The following DMD variants were observed in gnomAD, a reference collection of about 807,000 sequenced individuals.
The protein encoded by DMD is dystrophin.
In DMD, 63 loss-of-function variants were observed where a neutral mutation model predicts 330.1. The ratio of observed to expected loss-of-function variants is 0.19; its 90% CI spans 0.16 to 0.24. DMD has a LOEUF of 0.24. DMD is among the 10% of genes least tolerant of loss of function. The pLI is 1.00. For missense variants in DMD, 3,344 were observed against 2,684.1 expected, an observed-to-expected ratio of 1.25 and a Z score of -5.43; for synonymous variants, 1,223 against 959.8, an observed-to-expected ratio of 1.27 and a Z score of -5.07.
At chrX:31,821,068 G>T in intron 49 of DMD, among the ~76,000 whole-genome samples, 1 of 112,711 alleles carries the variant, frequency 8.9e-6, no homozygotes, top group Non-Finnish European at 1.9e-5. Flanking sequence ...TCAGTTTGGG[G>T]CTGAGGCTTT....
At chrX:32,633,264 T>G (rs905865558) in intron 11 of DMD, among the ~76,000 whole-genome samples, 8 of 111,764 alleles carry the variant, frequency 7.2e-5, no homozygotes, top group Admixed American at 6.7e-4. Flanking sequence ...ATCATCACTC[T>G]CAAGTTCAAA....
intron 9 of DMD, among the ~76,000 whole-genome samples, chrX:32,684,556 G>A (rs2062707890): frequency 9.0e-6 from 1 of 111,346 alleles, no homozygotes; most frequent in Admixed American, 9.6e-5. Context: ...CAGAAGGACA[G>A]CATCAATTTA....
At chrX:31,789,302 AG>A (rs2091459371) in intron 50 of DMD, among the ~76,000 whole-genome samples, 1 of 110,968 alleles carries the variant, frequency 9.0e-6, no homozygotes, top group Admixed American at 9.7e-5. Context: ...ATCTTACGTA[AG>A]GGTTTTTTAA....
intron 9 of DMD, among the ~76,000 whole-genome samples, chrX:32,653,498 T>C (rs2060322258): frequency 8.9e-6 from 1 of 111,752 alleles, no homozygotes; most frequent in Non-Finnish European, 1.9e-5. Flanking sequence ...GAGGGCTTTG[T>C]TCTGTTCCAT....
intron 44 of DMD, among the ~76,000 whole-genome samples, chrX:32,021,882 A>G (rs1409508570): frequency 1.8e-5 from 2 of 111,801 alleles, no homozygotes; most frequent in African/African-American, 6.5e-5. Context: ...ACTCCCTGTA[A>G]ACGTTTATAT....
chrX:32,221,705 C>A (rs758251019), intron 43 of DMD, among the ~76,000 whole-genome samples: 16 of 111,314 alleles, frequency 1.4e-4, no homozygotes, highest in Non-Finnish European at 2.4e-4. Flanking sequence ...CCCTCACTAC[C>A]TTCCCACTCT....
rs1322285225 is a variant in DMD, at chrX:32,346,036, T to C, written c.5493A>G (p.Gly1831=). Reference sequence around the variant, plus strand: ...CTGTGATTCTTTGTTGTAAGTTGTCTCCTCTTTGCAACAATTCTTTTACAG... The same window carrying C: ...CTGTGATTCTTTGTTGTAAGTTGTCCCCTCTTTGCAACAATTCTTTTACAG... ...EGTVKELLQR[G]DNLQQRITDE... The change falls in exon 39 of 79, where the codon GGA becomes GGG. Residue 1831 remains glycine (G), a synonymous_variant. Transcript: ENST00000357033. The C allele has an allele frequency of 9.1e-6, 11 of 1,209,483 alleles. No homozygotes were observed. The highest frequency in any genetic ancestry group is 1.1e-5 in the Non-Finnish European group (10 of 893,843).
At chrX:32,132,424 G>A (rs1192524471) in intron 44 of DMD, among the ~76,000 whole-genome samples, 10 of 111,516 alleles carry the variant, frequency 9.0e-5, no homozygotes, top group African/African-American at 3.3e-4. Flanking sequence ...TTTCTTATTT[G>A]GTGAAATGAG....
At chrX:32,496,477 A>G (rs1429822439) in intron 19 of DMD, among the ~76,000 whole-genome samples, 1 of 112,195 alleles carries the variant, frequency 8.9e-6, no homozygotes, top group African/African-American at 3.2e-5. Context: ...AGTATATATA[A>G]AAGTAATACC....
chrX:32,608,044 A>G (rs1602111893), intron 12 of DMD, among the ~76,000 whole-genome samples: 1 of 110,006 alleles, frequency 9.1e-6, no homozygotes, highest in East Asian at 2.8e-4. Flanking sequence ...ATCAGGTATA[A>G]TTTTCGTAGC....
intron 4 of DMD, among the ~76,000 whole-genome samples, chrX:32,824,052 A>G (rs2078497667): frequency 8.9e-6 from 1 of 112,120 alleles, no homozygotes; most frequent in Non-Finnish European, 1.9e-5. Flanking sequence ...TGTAACCACA[A>G]TAATGTATCA....
Position 32,469,769 on chromosome X carries a change from T to C in DMD, c.2950-1059A>G, listed in dbSNP as rs190926179. Among the ~76,000 whole-genome samples, 29 of 110,986 alleles carry C rather than the reference T, an allele frequency of 2.6e-4. No homozygotes were observed. The East Asian group carries it at 7.9e-3, about 30-fold the overall frequency. On this transcript the variant is annotated intron_variant, in intron 22 of 78. Transcript: ENST00000357033. Reference sequence around the variant, plus strand: ...GGCTTTTCTAGTTCAACAATTTCCATTATTAGTTCTACACATTCATTTCTA... The same window carrying C: ...GGCTTTTCTAGTTCAACAATTTCCACTATTAGTTCTACACATTCATTTCTA...
rs1328076008 is a variant in DMD at position 31,355,089 on chromosome X, AAAAG to A, written c.9085-6459_9085-6456del. On this transcript the variant is annotated intron_variant, in intron 60 of 78. Coordinates refer to ENST00000357033, the MANE Select transcript of DMD (RefSeq NM_004006.3). ...TTGCTTTTAAATAAGCCAAAAGAAT[AAAAG>A]AAAGAAAGAAAAAGGACCGATAACA... Among the ~76,000 whole-genome samples the A allele has an allele frequency of 3.6e-5, 4 of 112,624 alleles. No individual in the cohort carries two copies. The East Asian group carries it at 8.3e-4, about 23-fold the overall frequency.
chrX:31,380,779 C>T (rs1357040207), intron 60 of DMD, among the ~76,000 whole-genome samples: 1 of 110,241 alleles, frequency 9.1e-6, no homozygotes, highest in Non-Finnish European at 1.9e-5. Context: ...TTCCTTTGCA[C>T]CCTTCACCCC....
At chrX:31,993,342 TG>T (rs1419841647) in intron 44 of DMD, among the ~76,000 whole-genome samples, 1 of 111,811 alleles carries the variant, frequency 8.9e-6, no homozygotes, top group Non-Finnish European at 1.9e-5. Flanking sequence ...GGGACAATGG[TG>T]GTCAACCCCT....
intron 3 of DMD, among the ~76,000 whole-genome samples, chrX:32,845,526 T>A (rs1242881843): frequency 8.9e-6 from 1 of 112,024 alleles, no homozygotes; most frequent in Non-Finnish European, 1.9e-5. Flanking sequence ...TTTACCTTAC[T>A]ACAAGCCCTT....
At chrX:31,731,940 A>G (rs2086536925) in intron 51 of DMD, among the ~76,000 whole-genome samples, 1 of 111,635 alleles carries the variant, frequency 9.0e-6, no homozygotes, top group Non-Finnish European at 1.9e-5. Context: ...ACCACAATGA[A>G]CAGCTTTTAT....
chrX:31,292,668 G>A (rs2148002497), intron 62 of DMD, among the ~76,000 whole-genome samples: 1 of 111,660 alleles, frequency 9.0e-6, no homozygotes, highest in East Asian at 2.8e-4. Flanking sequence ...AATGTTCATA[G>A]GAGGCCTTAT....
Position 32,373,579 on chromosome X carries a change from A to C in DMD, c.4845+6931T>G, listed in dbSNP as rs565322628. Among the ~76,000 whole-genome samples, 25 of 112,158 alleles carry C rather than the reference A, an allele frequency of 2.2e-4. No individual in the cohort carries two copies. In the South Asian group the frequency reaches 8.8e-3, roughly 40 times the overall value. Reference sequence around the variant, plus strand: ...GACATATGCATTTTTAATAATTTTTATGTGTCCTGAAGTATCTAGTTCTTC... The same window carrying C: ...GACATATGCATTTTTAATAATTTTTCTGTGTCCTGAAGTATCTAGTTCTTC... On this transcript the variant is annotated intron_variant, in intron 34 of 78. Coordinates refer to ENST00000357033, the MANE Select transcript of DMD (RefSeq NM_004006.3).
Sources: allele counts gnomAD v4.1 joint callset (sites outside exome capture counted in the v4.1 genomes callset), GRCh38; gene constraint gnomAD v4.1.1; transcripts MANE v1.5; gene names NCBI Gene and HGNC (gene_info 2026-07-23, HGNC 2026-07-21).